TRDN: variants seen among roughly 807,000 people sequenced by gnomAD.
The protein encoded by TRDN is triadin in skeletal muscle.
A neutral mutation model predicts 149.7 loss-of-function variants in TRDN; 161 were observed. That is an observed-to-expected ratio of 1.08 (90% CI 0.95 to 1.23). TRDN has a LOEUF of 1.23. Among genes scored for constraint, TRDN ranks in the 50% most tolerant of loss-of-function variants. The pLI, the probability that TRDN is intolerant of heterozygous loss-of-function variation, is 0.00. For synonymous variants in TRDN, 294 were observed against 250.5 expected (o/e 1.17, Z -1.64); for missense variants, 896 against 823.5 (o/e 1.09, Z -1.08).
intron 9 of TRDN, among the ~76,000 whole-genome samples, chr6:123,466,590 C>T (rs1776830990): frequency 6.6e-6 from 1 of 151,352 alleles, no homozygotes; most frequent in Non-Finnish European, 1.5e-5. Flanking sequence ...GGAGTGAAGC[C>T]TCTACTCTAG....
chr6:123,283,913 T>C (rs1777696882), intron 24 of TRDN, among the ~76,000 whole-genome samples: 1 of 143,480 alleles, frequency 7.0e-6, no homozygotes, highest in Non-Finnish European at 1.5e-5. Flanking sequence ...GAATTTTTTT[T>C]CATTGGTAAT....
rs1774991069 is a variant in TRDN, at chr6:123,217,009, T to C, written c.*1592A>G. On this transcript the variant is annotated 3_prime_UTR_variant, in exon 41 of 41. Coordinates refer to ENST00000334268, the MANE Select transcript of TRDN (RefSeq NM_006073.4). ...CACTCTCCTACCCACAAGTTTAGAT[T>C]GTCACCTGAAGGGGCTTTGCAAGAT... The C allele has an allele frequency of 6.6e-6, 1 of 151,984 alleles. No homozygotes were observed. The highest frequency in any genetic ancestry group is 2.4e-5 in the African/African-American group (1 of 41,416). The allele number at this position is 151,984 out of a possible 1,614,324, so 9.4% of individuals were successfully genotyped here.
Position 123,636,808 on chromosome 6 carries a change from G to T in TRDN, c.-33C>A, listed in dbSNP as rs774767315. 1.9e-6 allele frequency: 3 copies of T among 1,611,148 alleles called. No homozygotes were observed. The highest frequency in any genetic ancestry group is 1.7e-6 in the Non-Finnish European group (2 of 1,178,214). On this transcript the variant is annotated 5_prime_UTR_variant, in exon 1 of 41. Coordinates refer to ENST00000334268, the MANE Select transcript of TRDN (RefSeq NM_006073.4). Reference sequence around the variant, plus strand: ...GTCAAAAGTAAAAGTCAGTTGAAAAGTTCCCGTCAAGTTGCACTTTGCAGA... The same window carrying T: ...GTCAAAAGTAAAAGTCAGTTGAAAATTTCCCGTCAAGTTGCACTTTGCAGA...
chr6:123,577,007 G>A (rs1163826656), intron 1 of TRDN, among the ~76,000 whole-genome samples: 1 of 151,952 alleles, frequency 6.6e-6, no homozygotes, highest in Non-Finnish European at 1.5e-5. Flanking sequence ...ATAAGGTAGG[G>A]GGAAAGTGAA....
At chr6:123,584,785 G>A (rs1298457628) in intron 1 of TRDN, among the ~76,000 whole-genome samples, 1 of 152,150 alleles carries the variant, frequency 6.6e-6, no homozygotes, top group Non-Finnish European at 1.5e-5. Context: ...TTGAGATCCA[G>A]AACAGAATAA....
intron 37 of TRDN, among the ~76,000 whole-genome samples, chr6:123,254,075 G>T (rs143190852): frequency 6.6e-6 from 1 of 151,876 alleles, no homozygotes; most frequent in Non-Finnish European, 1.5e-5. Flanking sequence ...CATGATAATT[G>T]GGCCTTACTA....
intron 16 of TRDN, among the ~76,000 whole-genome samples, 170 bp downstream of exon 16, chr6:123,381,200 C>G (rs962180461): frequency 3.3e-5 from 5 of 151,948 alleles, no homozygotes; most frequent in Admixed American, 3.3e-4. Flanking sequence ...GCTTCTCAGT[C>G]CACTCTAACC....
chr6:123,454,902 CA>C (rs1776012369), intron 10 of TRDN, among the ~76,000 whole-genome samples: 1 of 152,112 alleles, frequency 6.6e-6, no homozygotes, highest in Non-Finnish European at 1.5e-5. Flanking sequence ...TTCCTGGTGC[CA>C]AAAAGGTTGA....
chr6:123,226,085 AC>A (rs967943963), intron 38 of TRDN, among the ~76,000 whole-genome samples: 1 of 151,836 alleles, frequency 6.6e-6, no homozygotes, highest in African/African-American at 2.4e-5. Flanking sequence ...AAACAAAATT[AC>A]TAGAATTTTT....
At chr6:123,364,872 C>G (rs1182328729) in intron 20 of TRDN, among the ~76,000 whole-genome samples, 2 of 152,132 alleles carry the variant, frequency 1.3e-5, no homozygotes, top group Non-Finnish European at 2.9e-5. Context: ...TATTAAGACT[C>G]AGTTTTTTCT....
At chr6:123,525,047 C>G (rs1779878037) in intron 5 of TRDN, among the ~76,000 whole-genome samples, 1 of 151,992 alleles carries the variant, frequency 6.6e-6, no homozygotes, top group Non-Finnish European at 1.5e-5. Flanking sequence ...ATTAAAAAGT[C>G]AAAAACAACA....
intron 8 of TRDN, chr6:123,502,821 A>G: frequency 2.0e-6 from 2 of 985,280 alleles, no homozygotes; most frequent in African/African-American, 1.7e-5. Context: ...AGAAACACCA[A>G]TTACAGGAAT....
intron 23 of TRDN, among the ~76,000 whole-genome samples, chr6:123,319,906 C>T (rs1234004649): frequency 6.6e-6 from 1 of 151,980 alleles, no homozygotes; most frequent in Non-Finnish European, 1.5e-5. Flanking sequence ...TCAATGTCAT[C>T]AATAGTGTTT....
At chr6:123,338,366 G>A (rs1190019079) in intron 21 of TRDN, among the ~76,000 whole-genome samples, 1 of 152,202 alleles carries the variant, frequency 6.6e-6, no homozygotes. Flanking sequence ...CAACAGAAGT[G>A]GAGGTGATGC....
chr6:123,542,226 G>C (rs1293592552), intron 4 of TRDN, among the ~76,000 whole-genome samples: 1 of 152,066 alleles, frequency 6.6e-6, no homozygotes, highest in Non-Finnish European at 1.5e-5. Context: ...CCTCTATATT[G>C]GGTCTAGCTT....
At position 123,356,503 on chromosome 6, in the gene TRDN, T is replaced by TTATATA. The variant is rs71021444; in HGVS notation, c.1322-3923_1322-3918dup. On this transcript the variant is annotated intron_variant, in intron 20 of 40. Transcript: ENST00000334268. Reference sequence around the variant, plus strand: ...CTATGCCTCTAGGTTTACAAGAAGTTTATATATATATATATATATATATAT... The same window carrying TTATATA: ...CTATGCCTCTAGGTTTACAAGAAGTTTATATATATATATATATATATATATATATAT... Among the ~76,000 whole-genome samples, 950 of 106,574 alleles carry TTATATA rather than the reference T, an allele frequency of 8.9e-3. 16 individuals carry two copies. The highest frequency in any genetic ancestry group is 0.011 in the Non-Finnish European group (565 of 51,916). 69.9% of individuals were successfully genotyped at this position (106,574 alleles called of 152,430 possible). A position where few individuals can be genotyped will look rare whatever the true frequency, so the allele number is the denominator to read the frequency against.
chr6:123,343,265 T>C (rs910786353), intron 21 of TRDN, among the ~76,000 whole-genome samples: 1 of 152,044 alleles, frequency 6.6e-6, no homozygotes, highest in African/African-American at 2.4e-5. Flanking sequence ...TTATTTTTTA[T>C]AATAACTTCT....
chr6:123,259,785 C>A, intron 34 of TRDN, 123 bp from the exon 35 acceptor site: 1 of 661,480 alleles, frequency 1.5e-6, no homozygotes, highest in South Asian at 2.1e-5. Context: ...AGGGCTCTCT[C>A]ATTTCATTTT....
chr6:123,406,791 A>G, intron 12 of TRDN, among the ~76,000 whole-genome samples: 1 of 152,326 alleles, frequency 6.6e-6, no homozygotes, highest in East Asian at 1.9e-4. Flanking sequence ...AAGAGAAAGT[A>G]TTATTTCACA....
Sources: allele counts gnomAD v4.1 joint callset (sites outside exome capture counted in the v4.1 genomes callset), GRCh38; gene constraint gnomAD v4.1.1; transcripts MANE v1.5; gene names NCBI Gene and HGNC (gene_info 2026-07-23, HGNC 2026-07-21).